APP: variants seen among roughly 807,000 people sequenced by gnomAD.
APP encodes amyloid-beta precursor protein.
A neutral mutation model predicts 101.4 loss-of-function variants in APP; 31 were observed. The observed-to-expected ratio is 0.31, with a 90% confidence interval of 0.23 to 0.41. The LOEUF (loss-of-function observed/expected upper bound fraction) is 0.41. Ranked by LOEUF, APP falls within the 10% of genes least tolerant of loss-of-function variation. APP has a pLI of 1.00. For missense variants in APP, 839 were observed against 1,003.7 expected (o/e 0.84, Z 2.22); for synonymous variants, 366 against 364.4 (o/e 1.00, Z -0.05).
At chr21:25,944,896 C>T (rs965536877) in intron 13 of APP, among the ~76,000 whole-genome samples, 1 of 152,174 alleles carries the variant, frequency 6.6e-6, no homozygotes, top group Non-Finnish European at 1.5e-5. Context: ...GACTTCACTT[C>T]CCAATCATTT....
At chr21:25,938,993 T>A (rs1162331852) in intron 13 of APP, among the ~76,000 whole-genome samples, 1 of 152,176 alleles carries the variant, frequency 6.6e-6, no homozygotes, top group East Asian at 1.9e-4. Context: ...TTTCTTTAAA[T>A]AAAAAACATC....
chr21:25,915,538 T>TTTA (rs1411961978), intron 13 of APP, among the ~76,000 whole-genome samples: 2 of 152,280 alleles, frequency 1.3e-5, no homozygotes, highest in Non-Finnish European at 2.9e-5. Flanking sequence ...AATTAGGCAT[T>TTTA]ATTAAGCATG....
intron 1 of APP, among the ~76,000 whole-genome samples, chr21:26,115,803 T>G (rs1601501436): frequency 6.6e-6 from 1 of 152,310 alleles, no homozygotes. Context: ...AAAGTCATCC[T>G]AAAGATAATT....
chr21:25,912,943 AGACC>A (rs899510875), intron 13 of APP, among the ~76,000 whole-genome samples: 9 of 152,252 alleles, frequency 5.9e-5, no homozygotes, highest in African/African-American at 2.2e-4. Context: ...TACAAATTAG[AGACC>A]GACAGACAGC....
At position 25,898,013 on chromosome 21, in the gene APP, C is replaced by T. The variant is rs111565347; in HGVS notation, c.1964-340G>A. ...TCCTGGAATATGTTGGCTTGGCTTACGGGCTTATTGTTTAGCCTATTATGT... is the reference window on the plus strand; with the variant it reads ...TCCTGGAATATGTTGGCTTGGCTTATGGGCTTATTGTTTAGCCTATTATGT... On this transcript the variant is annotated intron_variant, in intron 15 of 17. Coordinates refer to ENST00000346798, the MANE Select transcript of APP (RefSeq NM_000484.4). 2.1e-3 allele frequency: 714 copies of T among 346,256 alleles called. 3 individuals carry two copies. The highest frequency in any genetic ancestry group is 0.014 in the African/African-American group (669 of 47,256). The allele number at this position is 346,256 out of a possible 1,614,324, so 21.4% of individuals were successfully genotyped here.
chr21:25,999,437 GC>G (rs1408735113), intron 7 of APP, among the ~76,000 whole-genome samples: 3 of 152,180 alleles, frequency 2.0e-5, no homozygotes, highest in Non-Finnish European at 4.4e-5. Context: ...CTCGGAGGGG[GC>G]AAGACGGGCA....
chr21:26,030,060 T>C (rs1440643311), intron 5 of APP, among the ~76,000 whole-genome samples: 2 of 152,190 alleles, frequency 1.3e-5, no homozygotes, highest in Admixed American at 1.3e-4. Flanking sequence ...AGACAATCTC[T>C]CTTTACTCTG....
intron 9 of APP, among the ~76,000 whole-genome samples, chr21:25,981,724 T>G (rs920412627): frequency 1.3e-5 from 2 of 151,418 alleles, no homozygotes; most frequent in African/African-American, 2.4e-5. Context: ...TTTTTTTTTT[T>G]TTTTTTTTTC....
chr21:26,138,520 T>C (rs1313946076), intron 1 of APP, among the ~76,000 whole-genome samples: 73 of 34,638 alleles, frequency 2.1e-3, no homozygotes, highest in Admixed American at 3.1e-3. Flanking sequence ...CGAAACTCTG[T>C]CTCTACAAAA....
intron 11 of APP, among the ~76,000 whole-genome samples, chr21:25,956,393 C>T (rs965831670): frequency 1.3e-5 from 2 of 152,132 alleles, no homozygotes; most frequent in African/African-American, 4.8e-5. Flanking sequence ...GTCTTAAGTG[C>T]TCCTATTTTC....
At chr21:25,892,957 A>AC (rs201314936) in intron 16 of APP, among the ~76,000 whole-genome samples, 33,099 of 102,106 alleles carry the variant, frequency 0.32, 4,180 homozygotes, top group South Asian at 0.44. Flanking sequence ...TTTAAAAAAA[A>AC]AAAACAAAAA....
chr21:26,131,445 T>G lies in APP; in HGVS notation c.58-19299A>C, dbSNP rs557105108. ...ATTGCGCATAGAGCAATACACTCAG[T>G]CAGTCACTCATATATTTGTTGGCTC... On this transcript the variant is annotated intron_variant, in intron 1 of 17. Transcript: ENST00000346798. Among the ~76,000 whole-genome samples the G allele has an allele frequency of 3.2e-4, 49 of 152,222 alleles. 1 individual carries two copies. The highest frequency in any genetic ancestry group is 1.2e-3 in the African/African-American group (49 of 41,546).
At chr21:26,164,352 A>G (rs971397428) in intron 1 of APP, among the ~76,000 whole-genome samples, 10 of 152,254 alleles carry the variant, frequency 6.6e-5, no homozygotes, top group African/African-American at 1.9e-4. Context: ...TTGGGTGAAC[A>G]TAACTTCAAG....
intron 2 of APP, among the ~76,000 whole-genome samples, chr21:26,107,776 A>C (rs185159676): frequency 6.6e-6 from 1 of 152,160 alleles, no homozygotes; most frequent in African/African-American, 2.4e-5. Context: ...CACTGTCACC[A>C]TGTAGTTTTT....
At chr21:25,960,466 A>C (rs1246594726) in intron 11 of APP, among the ~76,000 whole-genome samples, 1 of 151,888 alleles carries the variant, frequency 6.6e-6, no homozygotes, top group Non-Finnish European at 1.5e-5. Context: ...GCCTAGGCAA[A>C]ACTCTTGGTG....
At position 25,979,629 on chromosome 21, in the gene APP, C is replaced by T. The variant is rs146056657; in HGVS notation, c.1224+2715G>A. Among the ~76,000 whole-genome samples, 232 of 152,048 alleles carry T rather than the reference C, an allele frequency of 1.5e-3. 1 individual carries two copies. Among genetic ancestry groups the T allele is most frequent in the African/African-American group, 5.3e-3 (221 of 41,456 alleles). On this transcript the variant is annotated intron_variant, in intron 9 of 17. Coordinates refer to ENST00000346798, the MANE Select transcript of APP (RefSeq NM_000484.4). ...ATATATCTGATGACTAAAAGATGAA[C>T]AAAATCTACAAAATCATGAACTAAG...
intron 6 of APP, among the ~76,000 whole-genome samples, chr21:26,018,735 T>C (rs1047723696): frequency 6.6e-6 from 1 of 152,246 alleles, no homozygotes; most frequent in Non-Finnish European, 1.5e-5. Context: ...TAACAGTTGC[T>C]ATCTCTCAAT....
At chr21:26,007,968 A>T (rs945845741) in intron 6 of APP, among the ~76,000 whole-genome samples, 2 of 152,224 alleles carry the variant, frequency 1.3e-5, no homozygotes, top group African/African-American at 4.8e-5. Context: ...AAGTCTTATG[A>T]CAAATCTCAC....
At chr21:25,893,267 T>C (rs2037815441) in intron 16 of APP, among the ~76,000 whole-genome samples, 1 of 152,138 alleles carries the variant, frequency 6.6e-6, no homozygotes, top group Non-Finnish European at 1.5e-5. Flanking sequence ...TCCCTATCCC[T>C]TGAGAGACAA....
Sources: gnomAD v4.1 joint callset for allele counts (sites outside exome capture counted in the v4.1 genomes callset) on GRCh38, gnomAD v4.1.1 for gene constraint, MANE v1.5 for transcripts, NCBI Gene and HGNC (gene_info 2026-07-23, HGNC 2026-07-21) for gene names.